The following PFKP variants were observed in gnomAD, a reference collection of about 807,000 sequenced individuals.
PFKP encodes the protein phosphofructokinase, platelet.
Under a neutral mutation model 94.3 loss-of-function variants are expected in PFKP, and 101 were observed. The ratio of observed to expected loss-of-function variants is 1.07; its 90% CI spans 0.91 to 1.26. The LOEUF is 1.26. PFKP is among the 50% of genes most tolerant of loss of function. The probability of loss-of-function intolerance (pLI) is 0.00; values close to 1 mark genes in which losing one functional copy is unlikely to be tolerated. For synonymous variants in PFKP, 573 were observed against 432.6 expected (o/e 1.32, Z -4.03); for missense variants, 1,145 against 1,103.3 (o/e 1.04, Z -0.53).
At chr10:3,134,441 TACTGTATA>T in intron 19 of PFKP, 34 bp from the exon 20 acceptor site, 3 of 1,056,520 alleles carry the variant, frequency 2.8e-6, no homozygotes, top group Non-Finnish European at 4.3e-6. Flanking sequence ...AGCAAAGTGT[TACTGTATA>T]ACTGGTATTT....
intron 9 of PFKP, 126 bp downstream of exon 9, chr10:3,108,919 C>A: frequency 1.4e-6 from 1 of 711,908 alleles, no homozygotes; most frequent in South Asian, 1.6e-5. Context: ...CGGCCCGGCC[C>A]TCATCTTAAC....
chr10:3,125,473 G>T (rs1000229266), intron 16 of PFKP, among the ~76,000 whole-genome samples: 2 of 152,142 alleles, frequency 1.3e-5, no homozygotes, highest in Admixed American at 1.3e-4. Flanking sequence ...CCAGTCCTTG[G>T]GATCGTGTTT....
intron 18 of PFKP, among the ~76,000 whole-genome samples, chr10:3,132,981 T>A (rs565280969): frequency 2.2e-4 from 33 of 152,372 alleles, no homozygotes; most frequent in African/African-American, 7.7e-4. Flanking sequence ...CATATTTATT[T>A]CTGGAATTTT....
chr10:3,117,797 C>T (rs140551245), intron 14 of PFKP, among the ~76,000 whole-genome samples: 1 of 152,168 alleles, frequency 6.6e-6, no homozygotes, highest in African/African-American at 2.4e-5. Flanking sequence ...TGCTCTCGAA[C>T]GTAGAGAGGA....
chr10:3,121,827 TTTTC>T (rs141172904), intron 16 of PFKP, among the ~76,000 whole-genome samples: 6,664 of 27,154 alleles, frequency 0.25, 484 homozygotes, highest in East Asian at 0.45. Context: ...TTTTTTTTTT[TTTTC>T]TTTTTTTGGA....
Position 3,136,590 on chromosome 10 carries a change from CCTG to C in PFKP, c.*13_*15del. The C allele has an allele frequency of 6.2e-7, 1 of 1,612,558 alleles. No individual in the cohort carries two copies. Among genetic ancestry groups the C allele is most frequent in the Non-Finnish European group, 8.5e-7 (1 of 1,179,152 alleles). On this transcript the variant is annotated 3_prime_UTR_variant, in exon 22 of 22. Coordinates refer to ENST00000381125, the MANE Select transcript of PFKP (RefSeq NM_002627.5). ...CCCTGGAGTGTCTGACCCAGTCCCG[CCTG>C]CATGTGCCTGCAGCCACCGTGGACT... is the stretch of plus-strand genomic sequence containing the variant.
At chr10:3,101,621 G>A (rs560553155) in intron 4 of PFKP, 67 bp downstream of exon 4, 6 of 1,182,472 alleles carry the variant, frequency 5.1e-6, no homozygotes, top group East Asian at 2.8e-5. Context: ...GAACCGACAG[G>A]TTTCCCTCTT....
Position 3,095,801 on chromosome 10 carries a change from C to T in PFKP, c.187-3474C>T, listed in dbSNP as rs138345642. Among the ~76,000 whole-genome samples, 410 of 152,290 alleles carry T rather than the reference C, an allele frequency of 2.7e-3. 4 individuals are homozygous for T. The highest frequency in any genetic ancestry group is 0.011 in the East Asian group (59 of 5,186). Reference sequence around the variant, plus strand: ...TAATATCTTCCTTGTTGGTGAAAGACGGCTTAGAACTGCGGCTGGTAGTTG... The same window carrying T: ...TAATATCTTCCTTGTTGGTGAAAGATGGCTTAGAACTGCGGCTGGTAGTTG... On this transcript the variant is annotated intron_variant, in intron 2 of 21. Transcript: ENST00000381125.
intron 14 of PFKP, among the ~76,000 whole-genome samples, chr10:3,118,494 ACTT>A (rs1837055419): frequency 6.6e-6 from 1 of 152,098 alleles, no homozygotes. Context: ...ATTAATTATA[ACTT>A]CTTAATTTTA....
intron 1 of PFKP, among the ~76,000 whole-genome samples, 155 bp downstream of exon 1, chr10:3,067,862 A>G (rs1238086168): frequency 6.7e-6 from 1 of 150,146 alleles, no homozygotes; most frequent in African/African-American, 2.5e-5. Flanking sequence ...CGGGGAGAAG[A>G]GCGGGGAAGC....
chr10:3,124,689 T>TTGCC (rs898981284), intron 16 of PFKP, among the ~76,000 whole-genome samples: 25 of 152,202 alleles, frequency 1.6e-4, no homozygotes, highest in African/African-American at 2.4e-5. Flanking sequence ...CCACTGATCC[T>TTGCC]TGCCTGCCTG....
At chr10:3,112,163 C>T (rs1045711994) in intron 10 of PFKP, 59 bp from the exon 11 acceptor site, 8 of 1,367,178 alleles carry the variant, frequency 5.9e-6, no homozygotes, top group African/African-American at 2.9e-5. Context: ...CTACCTACCC[C>T]ATCCATGATG....
In PFKP at chr10:3,109,497, T is replaced by C. The variant is rs1359046147; in HGVS notation, c.1089+17T>C. ...GTGCAGATGGTGAGTGGGCAGCCCA[T>C]GGCCAAGGGCAGGGCGGAGACGGCT... On this transcript the variant is annotated intron_variant, in intron 10 of 21. Coordinates refer to ENST00000381125, the MANE Select transcript of PFKP (RefSeq NM_002627.5). 17 of 1,600,794 alleles carry C rather than the reference T, an allele frequency of 1.1e-5. No individual in the cohort carries two copies. The East Asian group carries it at 3.1e-4, about 29-fold the overall frequency.
chr10:3,133,091 C>G, intron 18 of PFKP, 112 bp from the exon 19 acceptor site: 1 of 753,482 alleles, frequency 1.3e-6, no homozygotes, highest in Admixed American at 1.8e-5. Flanking sequence ...GATGTAGAAT[C>G]ACCATAGGGT....
At chr10:3,105,573 G>T in intron 7 of PFKP, 72 bp downstream of exon 7, 1 of 1,099,788 alleles carries the variant, frequency 9.1e-7, no homozygotes, top group Admixed American at 1.9e-5. Context: ...TCCCAAGTGG[G>T]ACGGCATTTT....
At position 3,067,575 on chromosome 10, in the gene PFKP, G is replaced by C; in HGVS notation, c.-21G>C. 1 of 1,359,626 alleles carries C rather than the reference G, an allele frequency of 7.4e-7. No individual in the cohort carries two copies. The highest frequency in any genetic ancestry group is 1.3e-5 in the South Asian group (1 of 78,494). 84.2% of individuals were successfully genotyped at this position (1,359,626 alleles called of 1,614,324 possible). Reference sequence around the variant, plus strand: ...TGCCTGCTGCGCACCCGGACGTGCGGCTCCCCTCGGCCTCCTCGCCATGGA... The same window carrying C: ...TGCCTGCTGCGCACCCGGACGTGCGCCTCCCCTCGGCCTCCTCGCCATGGA... On this transcript the variant is annotated 5_prime_UTR_variant, in exon 1 of 22. Transcript: ENST00000381125.
intron 20 of PFKP, among the ~76,000 whole-genome samples, chr10:3,134,867 C>T (rs1481036844): frequency 1.3e-5 from 2 of 152,332 alleles, no homozygotes; most frequent in South Asian, 2.1e-4. Flanking sequence ...GAACGTTGGC[C>T]AGCAATTTCC....
Position 3,107,255 on chromosome 10 carries a change from T to G in PFKP, c.816T>G (p.Ala272=), listed in dbSNP as rs1429551650. 6.2e-7 allele frequency: 1 copy of G among 1,612,602 alleles called. No homozygotes were observed. Among genetic ancestry groups the G allele is most frequent in the East Asian group, 2.2e-5 (1 of 44,782 alleles). The change falls in exon 8 of 22, where the codon GCT becomes GCG. Residue 272 remains alanine, a synonymous_variant. Transcript: ENST00000381125. The stretch of plus-strand genomic sequence containing the variant: ...AAAGGCTGAATATTATTATTGTGGC[T>G]GAAGGAGCAATTGATACCCAAAATA... ...RKKRLNIIIV[A]EGAIDTQNKP...
At chr10:3,114,166 T>TC (rs1836556547) in intron 13 of PFKP, among the ~76,000 whole-genome samples, 1 of 151,580 alleles carries the variant, frequency 6.6e-6, no homozygotes, top group Non-Finnish European at 1.5e-5. Flanking sequence ...TTTTTTTTTT[T>TC]TGAGACGAAG....
Sources: allele counts gnomAD v4.1 joint callset (sites outside exome capture counted in the v4.1 genomes callset), GRCh38; gene constraint gnomAD v4.1.1; transcripts MANE v1.5; gene names NCBI Gene and HGNC (gene_info 2026-07-23, HGNC 2026-07-21).